The following ZNF518B variants were observed in gnomAD, a reference collection of about 807,000 sequenced individuals.
ZNF518B encodes the protein zinc finger protein 518B.
A neutral mutation model predicts 56.3 loss-of-function variants in ZNF518B; 23 were observed. That is an observed-to-expected ratio of 0.41 (90% CI 0.29 to 0.58). The LOEUF (loss-of-function observed/expected upper bound fraction) is 0.58. ZNF518B is among the 20% of genes least tolerant of loss of function. The pLI is 0.32. For missense variants in ZNF518B, 1,460 were observed against 1,272.1 expected, an observed-to-expected ratio of 1.15 and a Z score of -2.25; for synonymous variants, 529 against 465.9, an observed-to-expected ratio of 1.14 and a Z score of -1.74.
At chr4:10,459,263 G>A (rs1246622970), upstream of ZNF518B, among the ~76,000 whole-genome samples, 1 of 152,160 alleles carries the variant, frequency 6.6e-6, no homozygotes, top group African/African-American at 2.4e-5. Context: ...GGAGTGTCTG[G>A]AAATGGAGTG....
intron 2 of ZNF518B, among the ~76,000 whole-genome samples, chr4:10,447,402 G>A (rs534689627): frequency 6.6e-6 from 1 of 152,202 alleles, no homozygotes; most frequent in African/African-American, 2.4e-5. Flanking sequence ...TGTGGCTGCT[G>A]GAAAAGGGGT....
rs760282443 is a variant in ZNF518B, at chr4:10,446,334, C to T, written c.-6G>A. 4.4e-6 allele frequency: 7 copies of T among 1,595,692 alleles called. No individual in the cohort carries two copies. The Admixed American group carries it at 1.0e-4, about 24-fold the overall frequency. On this transcript the variant is annotated 5_prime_UTR_variant, in exon 3 of 3. Transcript: ENST00000326756. ...TGCTGTCCAATATCCTTCATCTTAT[C>T]TGCATTTCTAAAAAGAGCCAACTAA...
upstream of ZNF518B, among the ~76,000 whole-genome samples, chr4:10,457,610 G>A (rs914638591): frequency 1.3e-5 from 2 of 152,380 alleles, no homozygotes; most frequent in East Asian, 1.9e-4. Context: ...GCACCGTAGC[G>A]AGCGAGGTCC....
chr4:10,460,308 AAAAAAAAAAAAAAAACC>A (rs1442339042), upstream of ZNF518B, among the ~76,000 whole-genome samples: 445 of 90,582 alleles, frequency 4.9e-3, 19 homozygotes, highest in African/African-American at 0.035. Flanking sequence ...CTGTCTCAAA[AAAAAAAAAAAAAAAACC>A]AAAAAAAAAA....
upstream of ZNF518B, among the ~76,000 whole-genome samples, chr4:10,460,663 C>T (rs1280860440): frequency 6.6e-6 from 1 of 152,172 alleles, no homozygotes; most frequent in Non-Finnish European, 1.5e-5. Flanking sequence ...CAAATTCTGC[C>T]AGTGGGGAGC....
At position 10,441,312 on chromosome 4, in the gene ZNF518B, TAAA is replaced by T. The variant is rs891320309; in HGVS notation, c.*1789_*1791del. On this transcript the variant is annotated 3_prime_UTR_variant, in exon 3 of 3. Transcript: ENST00000326756. The stretch of plus-strand genomic sequence containing the variant: ...TAAAAATGCAAGTTTTAAATTTCAA[TAAA>T]AATTTACCAATTAACTTGATGATCA... The T allele has an allele frequency of 3.4e-5, 5 of 148,878 alleles. No individual in the cohort carries two copies. The highest frequency in any genetic ancestry group is 1.2e-4 in the African/African-American group (5 of 41,040). The allele number at this position is 148,878 out of a possible 1,614,324, so 9.2% of individuals were successfully genotyped here. A position where few individuals can be genotyped will look rare whatever the true frequency, so the allele number is the denominator to read the frequency against.
rs1714796465 is a variant in ZNF518B at position 10,443,681 on chromosome 4, C to T, written c.2648G>A (p.Ser883Asn). 2 of 1,613,954 alleles carry T rather than the reference C, an allele frequency of 1.2e-6. No homozygotes were observed. The highest frequency in any genetic ancestry group is 1.3e-5 in the African/African-American group (1 of 74,894). ...LNKQGRLLSR[S>N]LSISRNKTKQ... is the part of the protein sequence containing the mutation. ...GGTTTTATTTCTACTTATAGAAAGA[C>T]TTCTGGAAAGCAGTCTCCCTTGCTT... Residue 883 changes from serine (S) to asparagine (N), a missense_variant, in exon 3 of 3, where the codon AGT becomes AAT. Physicochemically the swap from Ser to Asn is conservative, Grantham distance 46. Transcript: ENST00000326756.
chr4:10,447,884 G>A (rs1715139654), intron 2 of ZNF518B, among the ~76,000 whole-genome samples: 3 of 151,980 alleles, frequency 2.0e-5, no homozygotes, highest in Non-Finnish European at 4.4e-5. Context: ...CCTGACCTCA[G>A]GTGATCTGCC....
rs746486854 is a variant in ZNF518B, at chr4:10,444,122, T to G, written c.2207A>C (p.Asn736Thr). The G allele has an allele frequency of 6.2e-7, 1 of 1,614,228 alleles. No homozygotes were observed. The highest frequency in any genetic ancestry group is 1.3e-5 in the African/African-American group (1 of 75,060). ...TATTTGTTGATGAGTAAGCTGTCTA[T>G]TACCAGTAATACCACCATCATTCGG... is the stretch of plus-strand genomic sequence containing the variant. ...KPPNDGGITG[N>T]RQLTHQQIYP... Residue 736 changes from asparagine to threonine, a missense_variant, in exon 3 of 3, where the codon AAT becomes ACT. Asn to Thr is a moderately conservative substitution (Grantham distance 65). Transcript: ENST00000326756.
Position 10,443,596 on chromosome 4 carries a change from G to T in ZNF518B, c.2733C>A (p.Leu911=). ...CAACCTGAAAAATTGAAGGATCCTT[G>T]AGACAGCGGCTAGGTTCAGCTTGAA... ...NKIQAEPSRC[L]KDPSIFQVAR... is the part of the protein sequence containing the mutation. Residue 911 remains leucine (L), a synonymous_variant, in exon 3 of 3, where the codon CTC becomes CTA. Transcript: ENST00000326756. 6.2e-7 allele frequency: 1 copy of T among 1,614,206 alleles called. No individual in the cohort carries two copies. Among genetic ancestry groups the T allele is most frequent in the African/African-American group, 1.3e-5 (1 of 75,042 alleles).
chr4:10,442,252 T>C lies in ZNF518B; in HGVS notation c.*852A>G, dbSNP rs934862169. The C allele has an allele frequency of 1.3e-5, 2 of 152,236 alleles. No homozygotes were observed. The highest frequency in any genetic ancestry group is 1.3e-4 in the Admixed American group (2 of 15,288). 9.4% of individuals were successfully genotyped at this position (152,236 alleles called of 1,614,324 possible). A position where few individuals can be genotyped will look rare whatever the true frequency, so the allele number is the denominator to read the frequency against. ...ACTGTGTTTGCGAGTTTTACCTATG[T>C]TGTAAGCCTGTTCCCTAGCATTTTA... On this transcript the variant is annotated 3_prime_UTR_variant, in exon 3 of 3. Coordinates refer to ENST00000326756, the MANE Select transcript of ZNF518B (RefSeq NM_053042.3).
At position 10,445,493 on chromosome 4, in the gene ZNF518B, G is replaced by A; in HGVS notation, c.836C>T (p.Pro279Leu). ...KDKMHNIMLL[P>L]EPKEYQKDVV... ...ATCTTTTTGGTATTCCTTTGGTTCA[G>A]GTAACAACATGATATTGTGCATTTT... Residue 279 changes from proline to leucine, a missense_variant, in exon 3 of 3, where the codon CCT becomes CTT. Pro to Leu is a moderately conservative substitution (Grantham distance 98, BLOSUM62 -3). Transcript: ENST00000326756. The A allele has an allele frequency of 6.2e-7, 1 of 1,614,152 alleles. No homozygotes were observed.
chr4:10,443,076 T>A lies in ZNF518B; in HGVS notation c.*28A>T. 1 of 1,578,444 alleles carries A rather than the reference T, an allele frequency of 6.3e-7. No individual in the cohort carries two copies. Among genetic ancestry groups the A allele is most frequent in the Non-Finnish European group, 8.6e-7 (1 of 1,162,182 alleles). ...CTCCAAACCAGAATAAACTAAAAGATAACTTGCTTTAAAGAGTAACTGTTT... is the reference window on the plus strand; with the variant it reads ...CTCCAAACCAGAATAAACTAAAAGAAAACTTGCTTTAAAGAGTAACTGTTT... On this transcript the variant is annotated 3_prime_UTR_variant, in exon 3 of 3. Transcript: ENST00000326756.
At chr4:10,456,091 G>A (rs1715513672) in intron 1 of ZNF518B, among the ~76,000 whole-genome samples, 1 of 152,092 alleles carries the variant, frequency 6.6e-6, no homozygotes, top group Non-Finnish European at 1.5e-5. Flanking sequence ...TTAATTCTTG[G>A]TGATTTCAAG....
In ZNF518B at chr4:10,456,840, G is replaced by T. The variant is rs1003802661; in HGVS notation, c.-396+477C>A. On this transcript the variant is annotated intron_variant, in intron 1 of 2. Transcript: ENST00000326756. ...ACGACACTTCCTGCTCGGCGCGGAC[G>T]GTAGGAGCCCTCGGAGGAGGCATCC... 2.6e-5 allele frequency among the ~76,000 whole-genome samples: 4 copies of T among 152,152 alleles called. No homozygotes were observed. In the South Asian group the frequency reaches 6.2e-4, roughly 24 times the overall value.
chr4:10,447,693 A>C (rs1245532464), intron 2 of ZNF518B, among the ~76,000 whole-genome samples: 10 of 132,048 alleles, frequency 7.6e-5, no homozygotes, highest in African/African-American at 2.9e-4. Flanking sequence ...CTTGTTGCCC[A>C]GGCTGGAGTG....
intron 2 of ZNF518B, chr4:10,453,160 G>A (rs1350111090): frequency 2.0e-5 from 3 of 152,230 alleles, no homozygotes; most frequent in African/African-American, 4.8e-5. Flanking sequence ...GCTGATGTGA[G>A]GACAAATGAG....
In ZNF518B at chr4:10,445,286, A is replaced by G. The variant is rs1714941688; in HGVS notation, c.1043T>C (p.Ile348Thr). Residue 348 changes from isoleucine (I) to threonine (T), a missense_variant, in exon 3 of 3, where the codon ATA becomes ACA. By Grantham distance (89) the Ile-to-Thr change is moderately conservative (BLOSUM62 -1). Transcript: ENST00000326756. ...VVPANCLAQL[I>T]DVKVVNGTQQ... ...TGTACCATTGACAACCTTCACATCT[A>G]TCAACTGGGCTAAACAGTTTGCAGG... 3.1e-6 allele frequency: 5 copies of G among 1,614,082 alleles called. No homozygotes were observed. The East Asian group carries it at 1.1e-4, about 36-fold the overall frequency.
intron 2 of ZNF518B, chr4:10,451,507 G>A (rs1033350983): frequency 3.9e-5 from 6 of 152,158 alleles, no homozygotes; most frequent in African/African-American, 1.4e-4. Flanking sequence ...GAGTTACTGT[G>A]AGGATTAAAT....
Sources: gnomAD v4.1 joint callset for allele counts (sites outside exome capture counted in the v4.1 genomes callset) on GRCh38, gnomAD v4.1.1 for gene constraint, MANE v1.5 for transcripts, NCBI Gene and HGNC (gene_info 2026-07-23, HGNC 2026-07-21) for gene names.